The following PTPRM variants were observed in gnomAD, a reference collection of about 807,000 sequenced individuals.
The protein encoded by PTPRM is protein tyrosine phosphatase receptor type M.
Under a neutral mutation model 186.7 loss-of-function variants are expected in PTPRM, and 47 were observed. The ratio of observed to expected loss-of-function variants is 0.25; its 90% CI spans 0.20 to 0.32. PTPRM has a LOEUF of 0.32. Among genes scored for constraint, PTPRM ranks in the 10% least tolerant of loss-of-function variants. The pLI, the probability that PTPRM is intolerant of heterozygous loss-of-function variation, is 1.00. For missense variants in PTPRM, 1,494 were observed against 1,865.0 expected (o/e 0.80, Z 3.66); for synonymous variants, 668 against 674.9 (o/e 0.99, Z 0.16).
At chr18:7,617,106 A>G (rs2037824608) in intron 1 of PTPRM, among the ~76,000 whole-genome samples, 3 of 152,202 alleles carry the variant, frequency 2.0e-5, no homozygotes, top group Non-Finnish European at 4.4e-5. Flanking sequence ...TCCAGTAGAG[A>G]ATAATTCAGG....
chr18:8,076,443 A>G lies in PTPRM; in HGVS notation c.1442-12A>G. ...ATTACTTAAACATTTATTTCCTCCC[A>G]CCCTCCTTTAGTCCCAGGTGCTGTT... On this transcript the variant is annotated splice_polypyrimidine_tract_variant and intron_variant, in intron 8 of 32. Transcript: ENST00000580170. The G allele has an allele frequency of 1.4e-6, 2 of 1,459,464 alleles. No homozygotes were observed. Among genetic ancestry groups the G allele is most frequent in the South Asian group, 2.3e-5 (2 of 85,270 alleles). 90.4% of individuals were successfully genotyped at this position (1,459,464 alleles called of 1,614,324 possible). A position where few individuals can be genotyped will look rare whatever the true frequency, so the allele number is the denominator to read the frequency against.
At chr18:7,753,602 AG>A (rs2041330122) in intron 1 of PTPRM, among the ~76,000 whole-genome samples, 1 of 152,238 alleles carries the variant, frequency 6.6e-6, no homozygotes, top group South Asian at 2.1e-4. Flanking sequence ...GTAAGAGATC[AG>A]TAAGTATCAA....
chr18:8,360,639 A>G lies in PTPRM; in HGVS notation c.3055-10251A>G, dbSNP rs565131568. Among the ~76,000 whole-genome samples, 5 of 152,328 alleles carry G rather than the reference A, an allele frequency of 3.3e-5. No homozygotes were observed. The South Asian group carries it at 1.0e-3, about 32-fold the overall frequency. On this transcript the variant is annotated intron_variant, in intron 23 of 32. Coordinates refer to ENST00000580170, the MANE Select transcript of PTPRM (RefSeq NM_001105244.2). Reference sequence around the variant, plus strand: ...TTACTTGCTAGGACTTTGTATAAAGAAGCACAGTCTGAAACAGACGCACTG... The same window carrying G: ...TTACTTGCTAGGACTTTGTATAAAGGAGCACAGTCTGAAACAGACGCACTG...
intron 2 of PTPRM, among the ~76,000 whole-genome samples, chr18:7,883,476 C>T (rs540571148): frequency 6.6e-6 from 1 of 152,254 alleles, no homozygotes; most frequent in Admixed American, 6.5e-5. Flanking sequence ...GTGATAAAAA[C>T]GAACTAAGAA....
intron 20 of PTPRM, among the ~76,000 whole-genome samples, chr18:8,306,841 G>A (rs1371401402): frequency 2.0e-5 from 3 of 152,220 alleles, no homozygotes; most frequent in Non-Finnish European, 2.9e-5. Flanking sequence ...TGCCAGAAAT[G>A]TCTGTGAGGC....
chr18:8,198,567 C>G (rs1263801315), intron 14 of PTPRM, among the ~76,000 whole-genome samples: 1 of 152,196 alleles, frequency 6.6e-6, no homozygotes, highest in Non-Finnish European at 1.5e-5. Context: ...ATCATCCCAT[C>G]AGGTATTCAC....
At chr18:7,906,357 A>T in intron 3 of PTPRM, 148 bp from the exon 4 acceptor site, 1 of 666,666 alleles carries the variant, frequency 1.5e-6, no homozygotes, top group Non-Finnish European at 2.7e-6. Context: ...TGTAGTCTAG[A>T]ACCTGGAACA....
At chr18:8,370,791 G>T (rs1568847613) in intron 23 of PTPRM, 99 bp from the exon 24 acceptor site, 1 of 639,360 alleles carries the variant, frequency 1.6e-6, no homozygotes, top group Non-Finnish European at 2.7e-6. Flanking sequence ...TAACTTTTGT[G>T]TGCAAATTTT....
chr18:7,664,306 G>A (rs1347897209), intron 1 of PTPRM, among the ~76,000 whole-genome samples: 2 of 152,196 alleles, frequency 1.3e-5, no homozygotes. Flanking sequence ...GTGGGATTAC[G>A]CAGGAGCTAA....
chr18:7,656,581 G>C (rs2038854599), intron 1 of PTPRM, among the ~76,000 whole-genome samples: 1 of 152,114 alleles, frequency 6.6e-6, no homozygotes, highest in Non-Finnish European at 1.5e-5. Context: ...ATTTAAAGAA[G>C]AAAAGATCAA....
chr18:7,832,349 G>C (rs957728346), intron 2 of PTPRM, among the ~76,000 whole-genome samples: 2 of 152,136 alleles, frequency 1.3e-5, no homozygotes, highest in African/African-American at 4.8e-5. Context: ...TCTCATTGTA[G>C]TTTTGATTTG....
intron 2 of PTPRM, among the ~76,000 whole-genome samples, chr18:7,819,655 C>T (rs1598879676): frequency 6.6e-6 from 1 of 152,218 alleles, no homozygotes; most frequent in Non-Finnish European, 1.5e-5. Flanking sequence ...ACAGAAAGCC[C>T]TCTGTCCTTG....
At position 8,359,788 on chromosome 18, in the gene PTPRM, T is replaced by C. The variant is rs565396495; in HGVS notation, c.3055-11102T>C. Among the ~76,000 whole-genome samples the C allele has an allele frequency of 1.5e-3, 228 of 152,316 alleles. 1 individual carries two copies. The highest frequency in any genetic ancestry group is 5.0e-3 in the African/African-American group (209 of 41,582). ...TTCCCGGCACCATCATTGGACGCAA[T>C]ATGGGACAGTCTCAGAGCTGCAATA... On this transcript the variant is annotated intron_variant, in intron 23 of 32. Transcript: ENST00000580170.
chr18:8,270,176 C>T (rs1568637681), intron 19 of PTPRM: 1 of 151,022 alleles, frequency 6.6e-6, no homozygotes, highest in Non-Finnish European at 1.5e-5. Flanking sequence ...ATTTGAAGAC[C>T]GTATATCTGA....
At chr18:8,280,970 A>G (rs1424575711) in intron 19 of PTPRM, among the ~76,000 whole-genome samples, 4 of 152,256 alleles carry the variant, frequency 2.6e-5, no homozygotes, top group Admixed American at 6.5e-5. Flanking sequence ...TAAATGGCAC[A>G]TATTAATACC....
intron 9 of PTPRM, among the ~76,000 whole-genome samples, chr18:8,085,049 A>G (rs552448): frequency 0.65 from 98,537 of 151,966 alleles, 32,215 homozygotes; most frequent in African/African-American, 0.72. Flanking sequence ...ATGCTCAGTA[A>G]CCAGATGTGG....
chr18:8,257,851 G>T (rs1007751975), intron 19 of PTPRM, among the ~76,000 whole-genome samples: 1 of 152,150 alleles, frequency 6.6e-6, no homozygotes, highest in Non-Finnish European at 1.5e-5. Context: ...TCGTTTTCAA[G>T]ACAGCAGTGT....
intron 14 of PTPRM, among the ~76,000 whole-genome samples, chr18:8,233,612 T>C (rs2094312756): frequency 6.6e-6 from 1 of 152,204 alleles, no homozygotes; most frequent in African/African-American, 2.4e-5. Flanking sequence ...TATGGCTTCT[T>C]TCTTGACAGT....
intron 2 of PTPRM, among the ~76,000 whole-genome samples, chr18:7,808,230 C>G (rs2145441673): frequency 6.6e-6 from 1 of 152,300 alleles, no homozygotes; most frequent in African/African-American, 2.4e-5. Context: ...TCCGTGTTTT[C>G]TGGCACTCCC....
Sources: gnomAD v4.1 joint callset for allele counts (sites outside exome capture counted in the v4.1 genomes callset) on GRCh38, gnomAD v4.1.1 for gene constraint, MANE v1.5 for transcripts, NCBI Gene and HGNC (gene_info 2026-07-23, HGNC 2026-07-21) for gene names.